CEP295: variants seen among roughly 807,000 people sequenced by gnomAD.
CEP295 encodes centrosomal protein of 295 kDa.
CEP295 carries 190 observed loss-of-function variants against 291.6 expected under a neutral mutation model. The observed-to-expected ratio is 0.65, with a 90% CI of 0.58 to 0.73. CEP295 has a LOEUF of 0.73. Ranked by LOEUF, CEP295 falls within the 30% of genes least tolerant of loss-of-function variation. CEP295 has a pLI of 0.00. For synonymous variants in CEP295, 993 were observed against 1,038.8 expected (o/e 0.96, Z 0.85); for missense variants, 2,863 against 2,949.4 (o/e 0.97, Z 0.68).
At chr11:93,721,151 T>C (rs1233454662) in intron 18 of CEP295, among the ~76,000 whole-genome samples, 161 bp from the exon 19 acceptor site, 1 of 152,212 alleles carries the variant, frequency 6.6e-6, no homozygotes, top group Non-Finnish European at 1.5e-5. Context: ...ACAAATACGG[T>C]GAATTTTTTC....
intron 12 of CEP295, among the ~76,000 whole-genome samples, chr11:93,692,620 G>A (rs1241102697): frequency 6.6e-6 from 1 of 151,958 alleles, no homozygotes; most frequent in Admixed American, 6.6e-5. Context: ...ACCATGCCCA[G>A]CTAATTTTTT....
chr11:93,669,061 A>T, intron 4 of CEP295, 129 bp downstream of exon 4: 1 of 540,126 alleles, frequency 1.9e-6, no homozygotes, highest in Non-Finnish European at 3.2e-6. Flanking sequence ...GTTAAACTTG[A>T]TTTAAAAATA....
chr11:93,729,019 C>T (rs950402649), intron 25 of CEP295, 198 bp downstream of exon 25: 4 of 537,666 alleles, frequency 7.4e-6, no homozygotes, highest in Non-Finnish European at 6.5e-6. Context: ...ATCCCCACTC[C>T]AATTTATGCC....
chr11:93,695,220 C>G (rs551956166), intron 12 of CEP295, among the ~76,000 whole-genome samples: 2 of 152,358 alleles, frequency 1.3e-5, no homozygotes, highest in Admixed American at 1.3e-4. Context: ...CAGGGTTTCA[C>G]TGTGCTCTCA....
Position 93,698,132 on chromosome 11 carries a change from A to G in CEP295, c.3220A>G (p.Arg1074Gly). ...LTKQRDTLQARHEAQVELLLH... is the reference protein window; with the variant it reads ...LTKQRDTLQAGHEAQVELLLH... ...TAAACAGAGGGATACTCTTCAGGCTAGGCATGAAGCTCAGGTGGAATTACT... is the reference window on the plus strand; with the variant it reads ...TAAACAGAGGGATACTCTTCAGGCTGGGCATGAAGCTCAGGTGGAATTACT... The change falls in exon 15 of 30, where the codon AGG becomes GGG. Residue 1074 changes from arginine to glycine, a missense_variant. This residue lies in a region of CEP295 where 2,295 missense variants were observed against 2,335.7 expected (regional missense o/e 0.98). Transcript: ENST00000325212. 6.4e-7 allele frequency: 1 copy of G among 1,552,208 alleles called. No individual in the cohort carries two copies. The highest frequency in any genetic ancestry group is 2.4e-5 in the East Asian group (1 of 40,916).
chr11:93,689,651 C>G (rs1193171148), intron 10 of CEP295, among the ~76,000 whole-genome samples: 2 of 152,124 alleles, frequency 1.3e-5, no homozygotes, highest in African/African-American at 4.8e-5. Context: ...CCCCTTTACC[C>G]TGCTTTCCCC....
chr11:93,686,476 G>T (rs994962793), intron 9 of CEP295, among the ~76,000 whole-genome samples: 1 of 152,104 alleles, frequency 6.6e-6, no homozygotes, highest in African/African-American at 2.4e-5. Flanking sequence ...TATTGGCTTG[G>T]TGTTGCCAAG....
chr11:93,729,984 T>A lies in CEP295; in HGVS notation c.7667+15T>A. The A allele has an allele frequency of 6.6e-7, 1 of 1,514,588 alleles. No individual in the cohort carries two copies. The allele number at this position is 1,514,588 out of a possible 1,614,324, so 93.8% of individuals were successfully genotyped here. The stretch of plus-strand genomic sequence containing the variant: ...AGGGGTCTAAGGTAGGGTTAATTTT[T>A]TTTTTTTTTTTAGTGATTCACTTTT... On this transcript the variant is annotated intron_variant, in intron 28 of 29. Coordinates refer to ENST00000325212, the MANE Select transcript of CEP295 (RefSeq NM_033395.2).
chr11:93,717,087 G>T (rs1004852963), intron 18 of CEP295, among the ~76,000 whole-genome samples: 1 of 152,188 alleles, frequency 6.6e-6, no homozygotes, highest in African/African-American at 2.4e-5. Flanking sequence ...GGTCTGGGCT[G>T]TGCCTGTTGC....
Position 93,696,701 on chromosome 11 carries a change from G to A in CEP295, c.1789G>A (p.Glu597Lys). The stretch of plus-strand genomic sequence containing the variant: ...TGGTAGGTTACACAGGCAGTCTGTT[G>A]AAACAGCCAGGAAACAATTACTTGA... ...QQNRLHRQSV[E>K]TARKQLLEYQ... Residue 597 changes from glutamate to lysine, a missense_variant, in exon 15 of 30, where the codon GAA becomes AAA. Physicochemically the swap from Glu to Lys is moderately conservative, Grantham distance 56. Around this residue, in one of 3 missense-constraint regions of CEP295, gnomAD observed 2,295 missense variants for 2,335.7 expected, o/e 0.98. Transcript: ENST00000325212. The A allele has an allele frequency of 1.3e-6, 2 of 1,548,650 alleles. No homozygotes were observed. The highest frequency in any genetic ancestry group is 1.7e-6 in the Non-Finnish European group (2 of 1,145,550).
chr11:93,728,116 T>C lies in CEP295; in HGVS notation c.7161+479T>C, dbSNP rs142539155. 3.9e-4 allele frequency: 61 copies of C among 156,046 alleles called. 1 individual carries two copies. The highest frequency in any genetic ancestry group is 3.3e-3 in the Middle Eastern group (1 of 300). The allele number at this position is 156,046 out of a possible 1,614,324, so 9.7% of individuals were successfully genotyped here. Reference sequence around the variant, plus strand: ...CCTGCTCCTCATATTAAGCAACTTATAATCTGCTTGCTTTCAACACCAGTC... The same window carrying C: ...CCTGCTCCTCATATTAAGCAACTTACAATCTGCTTGCTTTCAACACCAGTC... On this transcript the variant is annotated intron_variant, in intron 24 of 29. Transcript: ENST00000325212.
intron 18 of CEP295, among the ~76,000 whole-genome samples, chr11:93,721,103 A>G (rs1011354084): frequency 2.0e-5 from 3 of 152,244 alleles, no homozygotes; most frequent in Non-Finnish European, 4.4e-5. Flanking sequence ...ACAGTTTTCC[A>G]GGAAAAAGTA....
At chr11:93,728,556 T>A (rs968036298) in intron 24 of CEP295, 125 bp from the exon 25 acceptor site, 28 of 695,002 alleles carry the variant, frequency 4.0e-5, no homozygotes, top group Non-Finnish European at 5.5e-5. Flanking sequence ...TGCCAATCAT[T>A]GCTTTTCTTC....
chr11:93,728,653 T>G, intron 24 of CEP295, 28 bp from the exon 25 acceptor site: 1 of 1,507,752 alleles, frequency 6.6e-7, no homozygotes, highest in African/African-American at 1.4e-5. Context: ...TATTTTGACA[T>G]GGTTTTCCTT....
intron 18 of CEP295, among the ~76,000 whole-genome samples, chr11:93,709,265 G>A (rs899296406): frequency 6.6e-6 from 1 of 152,114 alleles, no homozygotes; most frequent in Non-Finnish European, 1.5e-5. Flanking sequence ...TCTTTTAGTA[G>A]TTTCAAATTT....
At chr11:93,729,013 C>G in intron 25 of CEP295, 192 bp downstream of exon 25, 1 of 545,916 alleles carries the variant, frequency 1.8e-6, no homozygotes. Flanking sequence ...CTTTTAATCC[C>G]CACTCCAATT....
intron 20 of CEP295, 82 bp downstream of exon 20, chr11:93,722,132 G>T: frequency 1.2e-6 from 1 of 803,626 alleles, no homozygotes; most frequent in Non-Finnish European, 2.1e-6. Flanking sequence ...GGAAGCATTG[G>T]GTTTTCATGA....
intron 17 of CEP295, among the ~76,000 whole-genome samples, chr11:93,704,656 TAGTA>T (rs1952404406): frequency 6.6e-6 from 1 of 152,184 alleles, no homozygotes; most frequent in South Asian, 2.1e-4. Context: ...CTTCAAGACT[TAGTA>T]AGTGTCATTG....
chr11:93,721,732 T>C (rs1215851837), intron 19 of CEP295: 1 of 727,034 alleles, frequency 1.4e-6, no homozygotes, highest in African/African-American at 1.7e-5. Flanking sequence ...ATAACAGCTG[T>C]AGGAATGAAT....
Sources: allele counts gnomAD v4.1 joint callset (sites outside exome capture counted in the v4.1 genomes callset), GRCh38; gene constraint gnomAD v4.1.1; regional missense constraint gnomAD v4.1.1; transcripts MANE v1.5; gene names NCBI Gene and HGNC (gene_info 2026-07-23, HGNC 2026-07-21).